The following RFX4 variants were observed in gnomAD, a reference collection of about 807,000 sequenced individuals.
RFX4 encodes regulatory factor X4.
RFX4 carries 10 observed loss-of-function variants against 95.0 expected under a neutral mutation model. That is an observed-to-expected ratio of 0.11 (90% CI 0.06 to 0.18). The LOEUF (loss-of-function observed/expected upper bound fraction) is 0.18, where lower values mean the gene tolerates loss of function less well. RFX4 is among the 10% of genes least tolerant of loss of function. RFX4 has a pLI of 1.00. For synonymous variants in RFX4, 321 were observed against 340.7 expected (o/e 0.94, Z 0.64); for missense variants, 640 against 922.0 (o/e 0.69, Z 3.96).
At chr12:106,626,456 A>C (rs2040301645) in intron 2 of RFX4, among the ~76,000 whole-genome samples, 1 of 152,170 alleles carries the variant, frequency 6.6e-6, no homozygotes, top group Non-Finnish European at 1.5e-5. Flanking sequence ...TTGAAGAATC[A>C]TGGGAAATAG....
At chr12:106,705,698 G>A (rs2042071063) in intron 8 of RFX4, among the ~76,000 whole-genome samples, 2 of 152,280 alleles carry the variant, frequency 1.3e-5, no homozygotes, top group South Asian at 4.1e-4. Context: ...AGTGCTGCAG[G>A]GATGGAGTAA....
At chr12:106,632,442 A>G (rs1159490306) in intron 2 of RFX4, among the ~76,000 whole-genome samples, 1 of 152,122 alleles carries the variant, frequency 6.6e-6, no homozygotes, top group Non-Finnish European at 1.5e-5. Context: ...TCCCAGTGAA[A>G]ACGAAAAGGC....
intron 2 of RFX4, 112 bp from the exon 3 acceptor site, chr12:106,639,220 C>A: frequency 1.2e-6 from 1 of 824,768 alleles, no homozygotes; most frequent in Non-Finnish European, 1.9e-6. Context: ...TGTTTCAAAG[C>A]ATCAACATTT....
At chr12:106,610,844 G>A (rs1348885561) in intron 2 of RFX4, among the ~76,000 whole-genome samples, 3 of 152,300 alleles carry the variant, frequency 2.0e-5, no homozygotes, top group Non-Finnish European at 2.9e-5. Flanking sequence ...AAATGAAATT[G>A]TTGGATCATA....
At chr12:106,683,381 C>T (rs1419820534) in intron 5 of RFX4, 5 of 136,446 alleles carry the variant, frequency 3.7e-5, no homozygotes, top group African/African-American at 8.1e-5. Context: ...GCTTTTGAAC[C>T]AGTCTCTAAA....
chr12:106,750,577 A>G, intron 16 of RFX4, 78 bp from the exon 17 acceptor site: 1 of 1,287,878 alleles, frequency 7.8e-7, no homozygotes, highest in Non-Finnish European at 1.0e-6. Flanking sequence ...AAAAAAATAG[A>G]TGAGGTTTTT....
At chr12:106,682,195 T>TGAC (rs1405888281) in intron 5 of RFX4, 141 bp downstream of exon 5, 12 of 808,126 alleles carry the variant, frequency 1.5e-5, no homozygotes, top group Non-Finnish European at 2.4e-5. Flanking sequence ...AAGAGCTTTA[T>TGAC]GACGGCCAGG....
chr12:106,602,079 C>T (rs2039723343), intron 1 of RFX4, among the ~76,000 whole-genome samples: 1 of 152,190 alleles, frequency 6.6e-6, no homozygotes, highest in African/African-American at 2.4e-5. Context: ...GGCATGAGGG[C>T]AGTGAGTGCA....
intron 15 of RFX4, among the ~76,000 whole-genome samples, chr12:106,733,672 G>A (rs2042655699): frequency 6.6e-6 from 1 of 152,210 alleles, no homozygotes; most frequent in Non-Finnish European, 1.5e-5. Context: ...GGAGGCAAGG[G>A]CTGTGATGTG....
chr12:106,615,357 A>G (rs2040053105), intron 2 of RFX4, among the ~76,000 whole-genome samples: 1 of 152,124 alleles, frequency 6.6e-6, no homozygotes, highest in Non-Finnish European at 1.5e-5. Flanking sequence ...TTGGGCTAAT[A>G]CTACAGTCTT....
rs536357233 is a variant in RFX4, at chr12:106,622,545, C to T, written c.130+13662C>T. Among the ~76,000 whole-genome samples, 6 of 151,942 alleles carry T rather than the reference C, an allele frequency of 3.9e-5. No homozygotes were observed. The East Asian group carries it at 1.2e-3, about 29-fold the overall frequency. ...GGTGGCTTATGATTATGAGCTTTTG[C>T]TTACATATGTAGAAATTGAAGCTCA... On this transcript the variant is annotated intron_variant, in intron 2 of 17. Coordinates refer to ENST00000392842, the MANE Select transcript of RFX4 (RefSeq NM_213594.3).
At chr12:106,631,854 A>G (rs1351303719) in intron 2 of RFX4, among the ~76,000 whole-genome samples, 1 of 152,216 alleles carries the variant, frequency 6.6e-6, no homozygotes, top group Non-Finnish European at 1.5e-5. Context: ...GGCAGCACAG[A>G]GTGAATAACC....
chr12:106,733,112 G>C (rs1299064969), intron 15 of RFX4, 27 bp downstream of exon 15: 1 of 1,611,402 alleles, frequency 6.2e-7, no homozygotes, highest in Admixed American at 1.7e-5. Context: ...CAAAAACTTT[G>C]GGTAGTTAAT....
At chr12:106,633,846 A>G (rs1324213563) in intron 2 of RFX4, among the ~76,000 whole-genome samples, 3 of 152,158 alleles carry the variant, frequency 2.0e-5, no homozygotes, top group Non-Finnish European at 2.9e-5. Context: ...CACCAATGGG[A>G]CCACATGCAT....
chr12:106,747,487 G>T lies in RFX4; in HGVS notation c.1684G>T (p.Ala562Ser), dbSNP rs61743416. Residue 562 changes from alanine (A) to serine (S), a missense_variant, in exon 16 of 18, where the codon GCT (alanine) becomes TCT (serine). By Grantham distance (99) the Ala-to-Ser change is moderately conservative. Around this residue, in one of 7 missense-constraint regions of RFX4, gnomAD observed 300 missense variants for 346.8 expected, o/e 0.87. Coordinates refer to ENST00000392842, the MANE Select transcript of RFX4 (RefSeq NM_213594.3). The part of the protein sequence containing the change: ...WSLTYTVTTA[A>S]GSPAENSQQL... ...TCTAACATACACAGTGACGACGGCT[G>T]CTGGGTCCCCAGCTGAGAACTCCCA... 1.2e-6 allele frequency: 2 copies of T among 1,614,052 alleles called. No individual in the cohort carries two copies. Among genetic ancestry groups the T allele is most frequent in the Non-Finnish European group, 1.7e-6 (2 of 1,180,026 alleles).
Position 106,714,068 on chromosome 12 carries a change from C to CAAAAAAAAAAAAAAAAAA in RFX4, c.994-1326_994-1309dup, listed in dbSNP as rs58283896. Among the ~76,000 whole-genome samples the CAAAAAAAAAAAAAAAAAA allele has an allele frequency of 3.0e-3, 91 of 30,508 alleles. 4 individuals carry two copies. The highest frequency in any genetic ancestry group is 4.0e-3 in the African/African-American group (26 of 6,482). 20.0% of individuals were successfully genotyped at this position (30,508 alleles called of 152,430 possible). On this transcript the variant is annotated intron_variant, in intron 10 of 17. Coordinates refer to ENST00000392842, the MANE Select transcript of RFX4 (RefSeq NM_213594.3). ...GGGCAACAAGAGTGAAACTCCATCT[C>CAAAAAAAAAAAAAAAAAA]AAAAAAAAAAAAAAAAAAAAAAAGC...
At chr12:106,724,410 C>T (rs545303367) in intron 13 of RFX4, among the ~76,000 whole-genome samples, 1 of 152,318 alleles carries the variant, frequency 6.6e-6, no homozygotes, top group Non-Finnish European at 1.5e-5. Flanking sequence ...AAGGCAAATA[C>T]TCTGGGCTCA....
chr12:106,601,187 T>C (rs7311507), intron 1 of RFX4: 208,206 of 1,527,442 alleles, frequency 0.14, 14,803 homozygotes, highest in South Asian at 0.17. Flanking sequence ...AGGCCACAGC[T>C]GCTGGCTTCC....
intron 15 of RFX4, among the ~76,000 whole-genome samples, chr12:106,736,139 C>T (rs1008227196): frequency 3.3e-5 from 5 of 152,270 alleles, no homozygotes; most frequent in African/African-American, 1.2e-4. Context: ...GATCCAAACA[C>T]GGGTGGAGTT....
Sources: gnomAD v4.1 joint callset for allele counts (sites outside exome capture counted in the v4.1 genomes callset) on GRCh38, gnomAD v4.1.1 for gene constraint, gnomAD v4.1.1 regional missense constraint, MANE v1.5 for transcripts, NCBI Gene and HGNC (gene_info 2026-07-23, HGNC 2026-07-21) for gene names.